The following GPHN variants were observed in gnomAD, a reference collection of about 807,000 sequenced individuals.
The protein encoded by GPHN is gephyrin.
In GPHN, 17 loss-of-function variants were observed where a neutral mutation model predicts 95.5. That is an observed-to-expected ratio of 0.18 (90% CI 0.12 to 0.27). The LOEUF (loss-of-function observed/expected upper bound fraction) is 0.27. Ranked by LOEUF, GPHN falls within the 10% of genes least tolerant of loss-of-function variation. The pLI, the probability that GPHN is intolerant of heterozygous loss-of-function variation, is 1.00. For missense variants in GPHN, 660 were observed against 978.1 expected (o/e 0.67, Z 4.34); for synonymous variants, 320 against 322.5 (o/e 0.99, Z 0.08).
chr14:67,027,867 TTTC>T (rs2074004745), intron 10 of GPHN, among the ~76,000 whole-genome samples: 1 of 152,204 alleles, frequency 6.6e-6, no homozygotes, highest in Admixed American at 6.5e-5. Flanking sequence ...GCATTTATCA[TTTC>T]TTCATGTTGG....
chr14:67,421,089 A>G, the GPHN span, among the ~76,000 whole-genome samples: 1 of 152,212 alleles, frequency 6.6e-6, no homozygotes, highest in African/African-American at 2.4e-5. Context: ...GACTGATCAC[A>G]TAATTTTTTA....
At chr14:67,675,572 G>A in the GPHN span, among the ~76,000 whole-genome samples, 487 of 142,320 alleles carry the variant, frequency 3.4e-3, 4 homozygotes, top group African/African-American at 0.011. Context: ...TCTCCTCGTG[G>A]AGACTAATTC....
At chr14:67,440,177 G>A in the GPHN span, among the ~76,000 whole-genome samples, 1 of 152,308 alleles carries the variant, frequency 6.6e-6, no homozygotes, top group East Asian at 1.9e-4. Context: ...TTTCTTTATT[G>A]TGTTGGTGAT....
chr14:66,617,431 C>T (rs1478154970), intron 1 of GPHN, among the ~76,000 whole-genome samples: 1 of 152,168 alleles, frequency 6.6e-6, no homozygotes, highest in Non-Finnish European at 1.5e-5. Context: ...AATGCTCACT[C>T]ACTGCCTCCC....
At chr14:66,542,429 C>G (rs578047072) in intron 1 of GPHN, among the ~76,000 whole-genome samples, 29 of 152,306 alleles carry the variant, frequency 1.9e-4, no homozygotes, top group Non-Finnish European at 3.4e-4. Context: ...GCCATCAGAA[C>G]AGAACTTGCA....
At chr14:66,937,630 G>A (rs933954169) in intron 8 of GPHN, among the ~76,000 whole-genome samples, 10 of 151,438 alleles carry the variant, frequency 6.6e-5, no homozygotes, top group African/African-American at 1.5e-4. Flanking sequence ...CGGCTGCTTC[G>A]GCCTCCCAAA....
chr14:66,815,664 A>T lies in GPHN; in HGVS notation c.202-8810A>T, dbSNP rs772335954. On this transcript the variant is annotated intron_variant, in intron 3 of 22. Transcript: ENST00000478722. ...CCTTACAAGAGCTCCTGAAGGAAGC[A>T]CTAAGTGTGGAAAGGAAAGACCATT... 3.5e-4 allele frequency among the ~76,000 whole-genome samples: 53 copies of T among 152,230 alleles called. 1 individual carries two copies. The highest frequency in any genetic ancestry group is 5.7e-4 in the Non-Finnish European group (39 of 68,042).
chr14:66,688,495 C>G (rs2067549665), intron 2 of GPHN, among the ~76,000 whole-genome samples: 2 of 152,276 alleles, frequency 1.3e-5, no homozygotes, highest in Admixed American at 6.5e-5. Context: ...TCTTTTTCCA[C>G]TAGTTTATTG....
chr14:66,691,267 G>A (rs1471176073), intron 2 of GPHN, among the ~76,000 whole-genome samples: 2 of 151,458 alleles, frequency 1.3e-5, no homozygotes, highest in Non-Finnish European at 2.9e-5. Context: ...TCACTGCAAC[G>A]ACCGCCTCCT....
the GPHN span, chr14:67,359,765 G>A: frequency 5.6e-4 from 878 of 1,581,708 alleles, 10 homozygotes; most frequent in Admixed American, 0.014. Flanking sequence ...TCCAGAACTG[G>A]CCTCCACAGT....
At chr14:66,992,342 T>C (rs1460193119) in intron 9 of GPHN, among the ~76,000 whole-genome samples, 1 of 152,134 alleles carries the variant, frequency 6.6e-6, no homozygotes, top group African/African-American at 2.4e-5. Flanking sequence ...TTAACTATAC[T>C]AACACAAATT....
intron 13 of GPHN, among the ~76,000 whole-genome samples, chr14:67,107,076 A>G (rs1268864404): frequency 6.6e-6 from 1 of 152,150 alleles, no homozygotes. Flanking sequence ...GTTGCATTCA[A>G]TGTCAGTAAT....
chr14:67,047,893 A>C (rs2075116562), intron 10 of GPHN, among the ~76,000 whole-genome samples: 1 of 152,224 alleles, frequency 6.6e-6, no homozygotes, highest in Non-Finnish European at 1.5e-5. Flanking sequence ...CCAGCAGGTC[A>C]AAGTTGCAGT....
the GPHN span, among the ~76,000 whole-genome samples, chr14:67,538,364 C>G: frequency 6.6e-6 from 1 of 152,220 alleles, no homozygotes; most frequent in Non-Finnish European, 1.5e-5. Flanking sequence ...GATGAGTTTT[C>G]TCATCTGTTC....
intron 16 of GPHN, among the ~76,000 whole-genome samples, chr14:67,119,414 G>T (rs753488036): frequency 1.3e-5 from 2 of 152,230 alleles, no homozygotes; most frequent in African/African-American, 2.4e-5. Flanking sequence ...GAATGAAAAT[G>T]TAGGGTCAAG....
At chr14:67,199,990 C>T in the GPHN span, 1 of 1,079,418 alleles carries the variant, frequency 9.3e-7, no homozygotes, top group Non-Finnish European at 1.3e-6. Flanking sequence ...TCAGATGCAG[C>T]TGGCACACCA....
chr14:67,564,534 T>C, the GPHN span, among the ~76,000 whole-genome samples: 2 of 152,150 alleles, frequency 1.3e-5, no homozygotes, highest in Non-Finnish European at 2.9e-5. Flanking sequence ...ATTGGCTCAC[T>C]GCAACCTCTG....
chr14:66,733,696 A>G lies in GPHN; in HGVS notation c.144-42768A>G, dbSNP rs567880166. Among the ~76,000 whole-genome samples, 244 of 152,320 alleles carry G rather than the reference A, an allele frequency of 1.6e-3. 2 individuals are homozygous for G. The highest frequency in any genetic ancestry group is 5.8e-3 in the African/African-American group (241 of 41,566). The stretch of plus-strand genomic sequence containing the variant: ...ATAATTCCTGATCTCTTGGTAGTTA[A>G]GTGGGGAAGGCACATATCTATCAAA... On this transcript the variant is annotated intron_variant, in intron 2 of 22. Coordinates refer to ENST00000478722, the MANE Select transcript of GPHN (RefSeq NM_020806.5).
chr14:66,658,375 A>G (rs1252345177), intron 1 of GPHN, among the ~76,000 whole-genome samples: 1 of 152,202 alleles, frequency 6.6e-6, no homozygotes, highest in African/African-American at 2.4e-5. Context: ...AACTTACTTG[A>G]TAAAACAGTG....
Sources: allele counts gnomAD v4.1 joint callset (sites outside exome capture counted in the v4.1 genomes callset), GRCh38; gene constraint gnomAD v4.1.1; transcripts MANE v1.5; gene names NCBI Gene and HGNC (gene_info 2026-07-23, HGNC 2026-07-21).